The following SPAG16 variants were observed in gnomAD, a reference collection of about 807,000 sequenced individuals.
SPAG16 encodes the protein sperm-associated antigen 16 protein.
Under a neutral mutation model 80.4 loss-of-function variants are expected in SPAG16, and 86 were observed. The ratio of observed to expected loss-of-function variants is 1.07; its 90% CI spans 0.90 to 1.28. The LOEUF is 1.28. Among genes scored for constraint, SPAG16 ranks in the 50% most tolerant of loss-of-function variants. SPAG16 has a pLI of 0.00. For synonymous variants in SPAG16, 294 were observed against 265.9 expected (o/e 1.11, Z -1.03); for missense variants, 870 against 765.3 (o/e 1.14, Z -1.61).
chr2:214,339,560 A>T (rs1010577063), intron 15 of SPAG16, among the ~76,000 whole-genome samples: 3 of 152,220 alleles, frequency 2.0e-5, no homozygotes, highest in Non-Finnish European at 2.9e-5. Flanking sequence ...GCTTCTCAGG[A>T]GTAGAACGTC....
At chr2:213,490,142 A>T in intron 10 of SPAG16, 52 bp downstream of exon 10, 1 of 1,500,158 alleles carries the variant, frequency 6.7e-7, no homozygotes, top group African/African-American at 1.4e-5. Context: ...TTTCATGTCA[A>T]AATTTTAATG....
intron 10 of SPAG16, among the ~76,000 whole-genome samples, chr2:213,807,829 TA>T (rs1276772351): frequency 6.6e-6 from 1 of 152,238 alleles, no homozygotes; most frequent in Non-Finnish European, 1.5e-5. Context: ...CATTAATTCA[TA>T]AAGTTCTTTG....
At chr2:213,388,567 AT>A (rs888662693) in intron 9 of SPAG16, among the ~76,000 whole-genome samples, 11 of 152,278 alleles carry the variant, frequency 7.2e-5, no homozygotes, top group African/African-American at 2.4e-4. Flanking sequence ...ATAACAATAA[AT>A]TTTTTTAAAA....
chr2:213,716,329 C>T (rs1188716443), intron 10 of SPAG16, among the ~76,000 whole-genome samples: 1 of 152,068 alleles, frequency 6.6e-6, no homozygotes, highest in Non-Finnish European at 1.5e-5. Flanking sequence ...AGCTGATGTA[C>T]AAAATGATGT....
intron 13 of SPAG16, among the ~76,000 whole-genome samples, chr2:214,038,194 A>G (rs140795030): frequency 6.6e-6 from 1 of 152,108 alleles, no homozygotes. Context: ...TTTGGTGTTT[A>G]GGAAAGACTG....
chr2:213,993,671 GGTTTT>G (rs575980171), intron 12 of SPAG16, among the ~76,000 whole-genome samples: 156 of 152,210 alleles, frequency 1.0e-3, no homozygotes, highest in African/African-American at 3.7e-3. Flanking sequence ...GTAAAATTCA[GGTTTT>G]GTTTAACAAA....
At chr2:213,374,892 T>A in intron 8 of SPAG16, 118 bp from the exon 9 acceptor site, 3 of 691,390 alleles carry the variant, frequency 4.3e-6, no homozygotes, top group Non-Finnish European at 7.3e-6. Context: ...ATCAATAATT[T>A]AATGAATTTT....
At chr2:213,577,778 A>G (rs925411509) in intron 10 of SPAG16, among the ~76,000 whole-genome samples, 9 of 152,170 alleles carry the variant, frequency 5.9e-5, no homozygotes, top group Non-Finnish European at 1.2e-4. Flanking sequence ...ATGTTGCAGA[A>G]ATGAAGTCCA....
intron 15 of SPAG16, among the ~76,000 whole-genome samples, chr2:214,220,696 A>G (rs1380088041): frequency 6.6e-6 from 1 of 152,188 alleles, no homozygotes; most frequent in Non-Finnish European, 1.5e-5. Flanking sequence ...CTAATGCTTC[A>G]GGTAGTGCCA....
At position 214,410,324 on chromosome 2, in the gene SPAG16, A is replaced by T. The variant is rs772826092; in HGVS notation, c.*9A>T. 1 of 1,585,228 alleles carries T rather than the reference A, an allele frequency of 6.3e-7. No homozygotes were observed. The highest frequency in any genetic ancestry group is 2.3e-5 in the East Asian group (1 of 44,142). ...TTCGAACGTGGTCTTGACCGTCAGC[A>T]CATCCCGCTGCAGAGGGCATTCCCT... On this transcript the variant is annotated 3_prime_UTR_variant, in exon 16 of 16. Coordinates refer to ENST00000331683, the MANE Select transcript of SPAG16 (RefSeq NM_024532.5).
chr2:213,785,451 T>C (rs1247234997), intron 10 of SPAG16, among the ~76,000 whole-genome samples: 3 of 152,212 alleles, frequency 2.0e-5, no homozygotes, highest in Non-Finnish European at 4.4e-5. Flanking sequence ...CATTCTAATT[T>C]ATCAGGACAA....
Position 214,384,079 on chromosome 2 carries a change from A to C in SPAG16, c.1721-26061A>C, listed in dbSNP as rs111687963. ...TGAATATGAGCTACTAAAGTGTCCA[A>C]GACCATCTCAGAATATTTCAATTTA... On this transcript the variant is annotated intron_variant, in intron 15 of 15. Transcript: ENST00000331683. Among the ~76,000 whole-genome samples the C allele has an allele frequency of 8.4e-3, 1,285 of 152,334 alleles. 12 individuals carry two copies. Among genetic ancestry groups the C allele is most frequent in the Non-Finnish European group, 0.013 (892 of 68,038 alleles).
At chr2:214,131,803 G>A (rs1457566347) in intron 14 of SPAG16, among the ~76,000 whole-genome samples, 9 of 152,152 alleles carry the variant, frequency 5.9e-5, no homozygotes, top group Non-Finnish European at 1.3e-4. Flanking sequence ...AGGGGCTGGA[G>A]GGAGGGAGGG....
chr2:214,187,800 G>A (rs11887857), intron 15 of SPAG16, among the ~76,000 whole-genome samples: 131,889 of 151,024 alleles, frequency 0.87, 57,698 homozygotes, highest in African/African-American at 0.93. Context: ...TTTTCTGGTC[G>A]GAGGAAAGGA....
chr2:213,563,091 T>C (rs1215933361), intron 10 of SPAG16, among the ~76,000 whole-genome samples: 1 of 152,212 alleles, frequency 6.6e-6, no homozygotes, highest in African/African-American at 2.4e-5. Flanking sequence ...CTCTATTTTG[T>C]TTTCCTTTTG....
intron 10 of SPAG16, among the ~76,000 whole-genome samples, chr2:213,668,917 G>A (rs1247773167): frequency 2.6e-5 from 4 of 152,050 alleles, no homozygotes; most frequent in Non-Finnish European, 5.9e-5. Context: ...CTAAGTGCTG[G>A]GATTACAGGC....
chr2:213,971,643 TAAG>T (rs1226716528), intron 12 of SPAG16, among the ~76,000 whole-genome samples: 1 of 152,174 alleles, frequency 6.6e-6, no homozygotes, highest in African/African-American at 2.4e-5. Context: ...CTTAAAAAGT[TAAG>T]CATACAATTA....
At chr2:214,152,339 G>A (rs192579992) in intron 15 of SPAG16, among the ~76,000 whole-genome samples, 15 of 152,186 alleles carry the variant, frequency 9.9e-5, no homozygotes, top group African/African-American at 3.1e-4. Flanking sequence ...CAAAGGTGAA[G>A]AAAAAGAATA....
intron 11 of SPAG16, among the ~76,000 whole-genome samples, chr2:213,902,561 T>C (rs918950911): frequency 2.6e-5 from 4 of 152,094 alleles, no homozygotes; most frequent in Admixed American, 1.3e-4. Flanking sequence ...GCAAATTATC[T>C]CCCACCAGGT....
Sources: gnomAD v4.1 joint callset for allele counts (sites outside exome capture counted in the v4.1 genomes callset) on GRCh38, gnomAD v4.1.1 for gene constraint, MANE v1.5 for transcripts, NCBI Gene and HGNC (gene_info 2026-07-23, HGNC 2026-07-21) for gene names.